Variants in INPP4B observed in about 807,000 individuals in gnomAD.
The protein encoded by INPP4B is inositol polyphosphate-4-phosphatase type II B, also known as inositol polyphosphate 4-phosphatase type II.
INPP4B carries 55 observed loss-of-function variants against 122.5 expected under a neutral mutation model. That is an observed-to-expected ratio of 0.45 (90% confidence interval 0.36 to 0.56). The LOEUF (loss-of-function observed/expected upper bound fraction) is 0.56. Among genes scored for constraint, INPP4B ranks in the 20% least tolerant of loss-of-function variants. The pLI is 0.00. For missense variants in INPP4B, 1,000 were observed against 1,097.7 expected, an observed-to-expected ratio of 0.91 and a Z score of 1.26; for synonymous variants, 403 against 388.7, an observed-to-expected ratio of 1.04 and a Z score of -0.43.
rs543312272 is a variant in INPP4B, at chr4:142,599,544, A to C, written c.-191+126295T>G. Among the ~76,000 whole-genome samples the C allele has an allele frequency of 4.2e-4, 64 of 152,280 alleles. No homozygotes were observed. In the South Asian group the frequency reaches 0.013, roughly 31 times the overall value. On this transcript the variant is annotated intron_variant, in intron 2 of 25. Coordinates refer to ENST00000262992, the MANE Select transcript of INPP4B (RefSeq NM_001101669.3). ...TCAGGAAAAAGTCTTCCTCTATATA[A>C]GTAAAGTCGAAAATCTAGAAGAAGC... is the stretch of plus-strand genomic sequence containing the variant.
rs547023328 is a variant in INPP4B, at chr4:142,067,367, G to A, written c.2642+14664C>T. On this transcript the variant is annotated intron_variant, in intron 25 of 25. Transcript: ENST00000262992. Reference sequence around the variant, plus strand: ...CAAAGGTAGATAAAACCACAAAGATGGGGATAAACCAGAGCAGAAAAGCTG... The same window carrying A: ...CAAAGGTAGATAAAACCACAAAGATAGGGATAAACCAGAGCAGAAAAGCTG... Among the ~76,000 whole-genome samples the A allele has an allele frequency of 8.5e-5, 13 of 152,260 alleles. 2 individuals are homozygous for A. Among genetic ancestry groups the A allele is most frequent in the Middle Eastern group, 3.4e-3 (1 of 294 alleles).
chr4:142,613,063 A>G (rs6856817), intron 2 of INPP4B, among the ~76,000 whole-genome samples: 17,493 of 152,112 alleles, frequency 0.12, 1,065 homozygotes, highest in African/African-American at 0.15. Flanking sequence ...ATGTGAATGT[A>G]ATGGCTAGAG....
At position 142,803,657 on chromosome 4, in the gene INPP4B, A is replaced by G. The variant is rs147776334; in HGVS notation, c.-254+42552T>C. Among the ~76,000 whole-genome samples, 1,262 of 150,332 alleles carry G rather than the reference A, an allele frequency of 8.4e-3. 30 individuals carry two copies. Among genetic ancestry groups the G allele is most frequent in the African/African-American group, 0.03 (1,221 of 40,384 alleles). ...GGGAATTCAATAAAACTTAAAAAAA[A>G]AAAACAAAAACAAAGAAAAGAAACC... On this transcript the variant is annotated intron_variant, in intron 1 of 25. Coordinates refer to ENST00000262992, the MANE Select transcript of INPP4B (RefSeq NM_001101669.3).
intron 25 of INPP4B, among the ~76,000 whole-genome samples, chr4:142,042,516 G>GTGTGTGTA (rs1297140777): frequency 1.2e-4 from 6 of 48,126 alleles, no homozygotes; most frequent in African/African-American, 2.4e-4. Context: ...TTATGTGTGT[G>GTGTGTGTA]TGTATGTATG....
At chr4:142,825,415 GTTTTC>G (rs1781335507) in intron 1 of INPP4B, among the ~76,000 whole-genome samples, 1 of 152,004 alleles carries the variant, frequency 6.6e-6, no homozygotes. Flanking sequence ...CCAGCAAGTT[GTTTTC>G]TTTCTAAACT....
At chr4:142,541,684 CT>C (rs1317539824) in intron 2 of INPP4B, among the ~76,000 whole-genome samples, 2 of 152,188 alleles carry the variant, frequency 1.3e-5, no homozygotes, top group African/African-American at 4.8e-5. Context: ...GCGCTGCAGA[CT>C]TTTTCTTCTT....
intron 2 of INPP4B, among the ~76,000 whole-genome samples, chr4:142,562,827 C>A (rs1317488865): frequency 6.6e-6 from 1 of 151,992 alleles, no homozygotes; most frequent in Non-Finnish European, 1.5e-5. Context: ...ATGTTACTTG[C>A]AAAATGTTAG....
chr4:142,809,007 AT>A (rs1203178125), intron 1 of INPP4B, among the ~76,000 whole-genome samples: 3 of 152,068 alleles, frequency 2.0e-5, no homozygotes, highest in African/African-American at 7.2e-5. Flanking sequence ...ATTTGCAGGA[AT>A]CTTTGTATAT....
chr4:142,820,105 C>T (rs1780617826), intron 1 of INPP4B, among the ~76,000 whole-genome samples: 1 of 152,088 alleles, frequency 6.6e-6, no homozygotes, highest in Non-Finnish European at 1.5e-5. Context: ...AGGCTATTGT[C>T]TCAAAACCTG....
intron 5 of INPP4B, among the ~76,000 whole-genome samples, chr4:142,420,088 T>C (rs1323442385): frequency 6.6e-6 from 1 of 151,964 alleles, no homozygotes; most frequent in Admixed American, 6.6e-5. Flanking sequence ...ATGTTGGTCA[T>C]GGATGAAAGA....
chr4:142,190,546 T>A (rs1371151952), intron 15 of INPP4B, among the ~76,000 whole-genome samples: 1 of 152,190 alleles, frequency 6.6e-6, no homozygotes, highest in Non-Finnish European at 1.5e-5. Context: ...ACCACTGCCC[T>A]ATGGAGAATT....
chr4:142,552,144 T>C (rs189017615), intron 2 of INPP4B, among the ~76,000 whole-genome samples: 1 of 152,278 alleles, frequency 6.6e-6, no homozygotes, highest in Non-Finnish European at 1.5e-5. Context: ...GTAAGGAGGC[T>C]CTTTGAAATT....
intron 1 of INPP4B, among the ~76,000 whole-genome samples, chr4:142,776,707 T>C (rs1030339824): frequency 6.6e-6 from 1 of 152,162 alleles, no homozygotes; most frequent in Admixed American, 6.6e-5. Context: ...AAAAATTCTA[T>C]TTATATTGAA....
At chr4:142,329,374 A>G (rs1480233811) in intron 7 of INPP4B, among the ~76,000 whole-genome samples, 2 of 135,924 alleles carry the variant, frequency 1.5e-5, no homozygotes, top group Admixed American at 7.4e-5. Flanking sequence ...AAAACCAAAG[A>G]GAAAAAAGGG....
chr4:142,537,471 G>GATACAC (rs1460553705), intron 2 of INPP4B, among the ~76,000 whole-genome samples: 8 of 85,898 alleles, frequency 9.3e-5, no homozygotes, highest in African/African-American at 3.3e-4. Context: ...GAGAGAGAGA[G>GATACAC]ATACACATAC....
At chr4:142,079,465 T>C (rs575558962) in intron 25 of INPP4B, among the ~76,000 whole-genome samples, 1 of 152,132 alleles carries the variant, frequency 6.6e-6, no homozygotes, top group East Asian at 1.9e-4. Context: ...CTGTAAAATA[T>C]TGTCAGAATC....
At chr4:142,732,482 A>C (rs1202575685) in intron 1 of INPP4B, among the ~76,000 whole-genome samples, 1 of 152,122 alleles carries the variant, frequency 6.6e-6, no homozygotes, top group Non-Finnish European at 1.5e-5. Context: ...TATTAGATTT[A>C]ATTAGTAAAT....
intron 1 of INPP4B, among the ~76,000 whole-genome samples, chr4:142,808,559 T>G (rs1779129886): frequency 6.6e-6 from 1 of 152,130 alleles, no homozygotes; most frequent in Non-Finnish European, 1.5e-5. Context: ...GCATAAGTAA[T>G]TAATAAGAAT....
intron 2 of INPP4B, among the ~76,000 whole-genome samples, chr4:142,605,369 A>G (rs1741012019): frequency 6.6e-6 from 1 of 152,088 alleles, no homozygotes; most frequent in Non-Finnish European, 1.5e-5. Flanking sequence ...TGGCTAGGTA[A>G]AGGTTTTATG....
Sources: allele counts gnomAD v4.1 joint callset (sites outside exome capture counted in the v4.1 genomes callset), GRCh38; gene constraint gnomAD v4.1.1; transcripts MANE v1.5; gene names NCBI Gene and HGNC (gene_info 2026-07-23, HGNC 2026-07-21).